CTNNBL1: variants seen among roughly 807,000 people sequenced by gnomAD.
CTNNBL1 encodes beta-catenin-like protein 1.
In CTNNBL1, 31 loss-of-function variants were observed where a neutral mutation model predicts 72.7. The ratio of observed to expected loss-of-function variants is 0.43; its 90% CI spans 0.32 to 0.58. CTNNBL1 has a LOEUF of 0.58. Among genes scored for constraint, CTNNBL1 ranks in the 20% least tolerant of loss-of-function variants. CTNNBL1 has a pLI of 0.08. For missense variants in CTNNBL1, 534 were observed against 725.1 expected, an observed-to-expected ratio of 0.74 and a Z score of 3.03; for synonymous variants, 240 against 267.3, an observed-to-expected ratio of 0.90 and a Z score of 1.00.
chr20:37,848,431 C>T (rs990694075), intron 13 of CTNNBL1, among the ~76,000 whole-genome samples: 2 of 152,118 alleles, frequency 1.3e-5, no homozygotes, highest in African/African-American at 4.8e-5. Context: ...GCTGGAGTTA[C>T]AGACCTGAGC....
chr20:37,827,048 A>G (rs1422058927), intron 11 of CTNNBL1, among the ~76,000 whole-genome samples: 1 of 152,178 alleles, frequency 6.6e-6, no homozygotes, highest in East Asian at 1.9e-4. Flanking sequence ...AGTTTTTACC[A>G]TAGATTAGGT....
At chr20:37,833,888 G>T (rs889674115) in intron 11 of CTNNBL1, among the ~76,000 whole-genome samples, 1 of 152,068 alleles carries the variant, frequency 6.6e-6, no homozygotes, top group Non-Finnish European at 1.5e-5. Flanking sequence ...AATGAAACTC[G>T]GTGTGTGTAT....
chr20:37,705,080 A>C (rs766996967), intron 1 of CTNNBL1, among the ~76,000 whole-genome samples: 7 of 152,226 alleles, frequency 4.6e-5, no homozygotes, highest in Non-Finnish European at 7.3e-5. Context: ...GCACTGTGGG[A>C]GAAAATACTT....
chr20:37,776,425 C>A (rs1422932636), intron 7 of CTNNBL1, among the ~76,000 whole-genome samples: 3 of 152,140 alleles, frequency 2.0e-5, no homozygotes, highest in Non-Finnish European at 4.4e-5. Context: ...AAACACTTCC[C>A]TTGTCTTTTC....
chr20:37,829,232 A>T (rs1412906398), intron 11 of CTNNBL1, among the ~76,000 whole-genome samples: 1 of 152,198 alleles, frequency 6.6e-6, no homozygotes, highest in Non-Finnish European at 1.5e-5. Flanking sequence ...ATGGCCTTAG[A>T]TGTTCTGTGG....
chr20:37,811,163 A>G (rs147579991), intron 11 of CTNNBL1, among the ~76,000 whole-genome samples: 92 of 152,294 alleles, frequency 6.0e-4, no homozygotes, highest in African/African-American at 2.1e-3. Flanking sequence ...TGCCAGTTCT[A>G]TGTGGAATAC....
intron 1 of CTNNBL1, 149 bp from the exon 2 acceptor site, chr20:37,732,730 C>T (rs2122598059): frequency 1.7e-6 from 1 of 585,374 alleles, no homozygotes; most frequent in South Asian, 2.7e-5. Flanking sequence ...CAGGGTTTTA[C>T]CATGTTGCCT....
chr20:37,842,600 C>T (rs764042770), intron 13 of CTNNBL1, among the ~76,000 whole-genome samples, 181 bp downstream of exon 13: 3 of 152,196 alleles, frequency 2.0e-5, no homozygotes, highest in Non-Finnish European at 2.9e-5. Flanking sequence ...GAATGACACC[C>T]TTTCAGGAAG....
intron 3 of CTNNBL1, among the ~76,000 whole-genome samples, chr20:37,743,468 A>T (rs1456277010): frequency 6.6e-6 from 1 of 152,206 alleles, no homozygotes; most frequent in Non-Finnish European, 1.5e-5. Context: ...ATTGGGGGAA[A>T]ATCTTGCTAA....
At chr20:37,770,002 A>G (rs1285998452) in intron 7 of CTNNBL1, among the ~76,000 whole-genome samples, 1 of 152,202 alleles carries the variant, frequency 6.6e-6, no homozygotes, top group Admixed American at 6.5e-5. Context: ...GATTTACATA[A>G]CATATTGGCC....
intron 11 of CTNNBL1, among the ~76,000 whole-genome samples, chr20:37,827,747 T>C (rs1326196528): frequency 6.6e-5 from 10 of 152,214 alleles, no homozygotes; most frequent in Admixed American, 4.6e-4. Flanking sequence ...CCAGTGTACA[T>C]CCCTGCAGCT....
chr20:37,829,865 C>G (rs1165664925), intron 11 of CTNNBL1, among the ~76,000 whole-genome samples: 1 of 151,996 alleles, frequency 6.6e-6, no homozygotes, highest in Non-Finnish European at 1.5e-5. Flanking sequence ...AGGGTCTTGC[C>G]CTGTCACCCA....
rs6021144 is a variant in CTNNBL1 at position 37,821,379 on chromosome 20, C to T, written c.1213+18331C>T. Among the ~76,000 whole-genome samples, 154 of 152,266 alleles carry T rather than the reference C, an allele frequency of 1.0e-3. 2 individuals carry two copies. The highest frequency in any genetic ancestry group is 3.5e-3 in the African/African-American group (145 of 41,552). On this transcript the variant is annotated intron_variant, in intron 11 of 15. Transcript: ENST00000361383. Reference sequence around the variant, plus strand: ...CTTTTGTCCTTTATATCCCTTTAAACAGACTTAATCAAAAGGAAAAAATAA... The same window carrying T: ...CTTTTGTCCTTTATATCCCTTTAAATAGACTTAATCAAAAGGAAAAAATAA...
Position 37,694,093 on chromosome 20 carries a change from G to T in CTNNBL1, c.-30G>T. 3.1e-6 allele frequency: 5 copies of T among 1,603,102 alleles called. No individual in the cohort carries two copies. Among genetic ancestry groups the T allele is most frequent in the Non-Finnish European group, 4.3e-6 (5 of 1,175,674 alleles). ...GCCCGCGGTCTGGGCGTGAGTGCAG[G>T]GAAGTGGAGTATTTGCTGGGCCGGG... On this transcript the variant is annotated 5_prime_UTR_variant, in exon 1 of 16. Transcript: ENST00000361383.
At chr20:37,798,719 G>A (rs1230157821) in intron 10 of CTNNBL1, among the ~76,000 whole-genome samples, 2 of 152,196 alleles carry the variant, frequency 1.3e-5, no homozygotes, top group Admixed American at 6.5e-5. Context: ...AAAAAAGAGA[G>A]GCTTGGCTAC....
At chr20:37,723,393 C>A (rs189052461) in intron 1 of CTNNBL1, among the ~76,000 whole-genome samples, 132 of 152,250 alleles carry the variant, frequency 8.7e-4, no homozygotes, top group Admixed American at 1.4e-3. Context: ...AGACCATATT[C>A]TCCAGTAATT....
intron 1 of CTNNBL1, among the ~76,000 whole-genome samples, chr20:37,705,136 A>G (rs6020353): frequency 0.034 from 5,220 of 152,300 alleles, 245 homozygotes; most frequent in African/African-American, 0.11. Flanking sequence ...GTGCATGAAC[A>G]TGAACTCTGG....
In CTNNBL1 at chr20:37,840,139, C is replaced by A. The variant is rs745899014; in HGVS notation, c.1251C>A (p.Asn417Lys). Reference sequence around the variant, plus strand: ...CGATCCTGGCTTCCCTCCTGCGGAACCTGAGAGGGCAGCAGCGGACCCGGC... The same window carrying A: ...CGATCCTGGCTTCCCTCCTGCGGAAACTGAGAGGGCAGCAGCGGACCCGGC... ...VCSILASLLR[N>K]LRGQQRTRLL... is the part of the protein sequence containing the mutation. Residue 417 changes from asparagine (N) to lysine (K), a missense_variant, in exon 12 of 16, where the codon AAC becomes AAA. Coordinates refer to ENST00000361383, the MANE Select transcript of CTNNBL1 (RefSeq NM_030877.5). 6 of 1,613,944 alleles carry A rather than the reference C, an allele frequency of 3.7e-6. No individual in the cohort carries two copies. The highest frequency in any genetic ancestry group is 1.3e-5 in the African/African-American group (1 of 75,020).
intron 10 of CTNNBL1, among the ~76,000 whole-genome samples, chr20:37,787,435 C>T (rs531898592): frequency 2.6e-4 from 39 of 149,352 alleles, no homozygotes; most frequent in Non-Finnish European, 4.6e-4. Context: ...AGCTCCGCCT[C>T]CCGGGTTCAC....
Sources: allele counts gnomAD v4.1 joint callset (sites outside exome capture counted in the v4.1 genomes callset), GRCh38; gene constraint gnomAD v4.1.1; transcripts MANE v1.5; gene names NCBI Gene and HGNC (gene_info 2026-07-23, HGNC 2026-07-21).